TM9SF2: variants seen among roughly 807,000 people sequenced by gnomAD.
TM9SF2 encodes the protein 76 kDa membrane protein.
TM9SF2 carries 13 observed loss-of-function variants against 84.9 expected under a neutral mutation model. The observed-to-expected ratio is 0.15, with a 90% confidence interval of 0.10 to 0.24. TM9SF2 has a LOEUF of 0.24. Ranked by LOEUF, TM9SF2 falls within the 10% of genes least tolerant of loss-of-function variation. The pLI is 1.00. For missense variants in TM9SF2, 562 were observed against 818.5 expected, an observed-to-expected ratio of 0.69 and a Z score of 3.82; for synonymous variants, 273 against 285.8, an observed-to-expected ratio of 0.96 and a Z score of 0.45.
chr13:99,547,173 G>A (rs764580299), intron 11 of TM9SF2, 69 bp downstream of exon 11: 1 of 1,590,710 alleles, frequency 6.3e-7, no homozygotes, highest in Non-Finnish European at 8.6e-7. Flanking sequence ...GATCTGACCT[G>A]GGTATCAGAT....
At chr13:99,514,824 G>C (rs1283219503) in intron 1 of TM9SF2, among the ~76,000 whole-genome samples, 1 of 152,174 alleles carries the variant, frequency 6.6e-6, no homozygotes, top group African/African-American at 2.4e-5. Context: ...TTCCATCATT[G>C]CTTAAAACTC....
chr13:99,521,914 C>A (rs1252118107), intron 3 of TM9SF2, among the ~76,000 whole-genome samples: 1 of 152,114 alleles, frequency 6.6e-6, no homozygotes, highest in Non-Finnish European at 1.5e-5. Context: ...ACTCTGTTGC[C>A]CAGGCTTGTC....
intron 5 of TM9SF2, 60 bp downstream of exon 5, chr13:99,536,797 C>T: frequency 1.3e-6 from 2 of 1,583,132 alleles, no homozygotes; most frequent in Non-Finnish European, 1.7e-6. Context: ...AGAATTCAGT[C>T]TTTACCTGGA....
intron 9 of TM9SF2, among the ~76,000 whole-genome samples, chr13:99,543,034 C>T (rs756390156): frequency 6.6e-6 from 1 of 152,182 alleles, no homozygotes; most frequent in Non-Finnish European, 1.5e-5. Flanking sequence ...GCACCTGTGC[C>T]GGCTACCTTG....
intron 1 of TM9SF2, among the ~76,000 whole-genome samples, chr13:99,517,190 T>A (rs2046138492): frequency 6.6e-6 from 1 of 152,178 alleles, no homozygotes; most frequent in South Asian, 2.1e-4. Context: ...CATAGCTCAC[T>A]GTAACTTCAA....
At chr13:99,521,848 A>C (rs985526771) in intron 3 of TM9SF2, among the ~76,000 whole-genome samples, 8 of 152,052 alleles carry the variant, frequency 5.3e-5, no homozygotes, top group African/African-American at 1.9e-4. Flanking sequence ...CTAGGACTAC[A>C]GATGCATACC....
At chr13:99,554,879 G>A (rs565934991) in intron 14 of TM9SF2, among the ~76,000 whole-genome samples, 4 of 152,162 alleles carry the variant, frequency 2.6e-5, no homozygotes, top group Non-Finnish European at 4.4e-5. Flanking sequence ...AGCACTTGTC[G>A]GAGGGGATTG....
chr13:99,545,574 C>CT (rs200291592), intron 10 of TM9SF2, among the ~76,000 whole-genome samples: 14,165 of 147,256 alleles, frequency 0.096, 800 homozygotes, highest in East Asian at 0.22. Flanking sequence ...TTCTTTCTTT[C>CT]TTTTTTTTTT....
intron 15 of TM9SF2, 111 bp from the exon 16 acceptor site, chr13:99,559,252 G>A (rs539106082): frequency 2.4e-4 from 223 of 918,120 alleles, no homozygotes; most frequent in Non-Finnish European, 3.3e-4. Flanking sequence ...ACTGATAGCA[G>A]AAATTAGATT....
chr13:99,507,192 C>G (rs2046092308), intron 1 of TM9SF2, among the ~76,000 whole-genome samples: 2 of 152,154 alleles, frequency 1.3e-5, no homozygotes, highest in African/African-American at 4.8e-5. Context: ...AGTATTAAAG[C>G]CAGAATGCAA....
In TM9SF2 at chr13:99,517,695, C is replaced by T. The variant is rs759913841; in HGVS notation, c.239+14C>T. The T allele has an allele frequency of 4.5e-6, 7 of 1,553,274 alleles. No individual in the cohort carries two copies. The Admixed American group carries it at 1.5e-4, about 32-fold the overall frequency. On this transcript the variant is annotated intron_variant, in intron 2 of 16. Transcript: ENST00000376387. Reference sequence around the variant, plus strand: ...TGAATACACAGCGTAAGTTTTTCAGCTTGGCTTTTATATAAAATTTTATGT... The same window carrying T: ...TGAATACACAGCGTAAGTTTTTCAGTTTGGCTTTTATATAAAATTTTATGT...
At chr13:99,522,892 CTT>C (rs2046166679) in intron 3 of TM9SF2, among the ~76,000 whole-genome samples, 1 of 152,186 alleles carries the variant, frequency 6.6e-6, no homozygotes, top group African/African-American at 2.4e-5. Flanking sequence ...GGGCCTAGTG[CTT>C]TTCAGATTTA....
At chr13:99,529,950 A>C (rs557774328) in intron 4 of TM9SF2, among the ~76,000 whole-genome samples, 1 of 152,330 alleles carries the variant, frequency 6.6e-6, no homozygotes, top group South Asian at 2.1e-4. Context: ...TGAGTCACAT[A>C]AAGTTTTTCT....
At chr13:99,547,567 C>G (rs1017828122) in intron 11 of TM9SF2, among the ~76,000 whole-genome samples, 7 of 152,174 alleles carry the variant, frequency 4.6e-5, no homozygotes, top group African/African-American at 1.4e-4. Flanking sequence ...TACACTGTTT[C>G]AAGTAAACAA....
chr13:99,522,433 AG>A (rs1333605002), intron 3 of TM9SF2, among the ~76,000 whole-genome samples: 3 of 152,252 alleles, frequency 2.0e-5, no homozygotes, highest in Admixed American at 2.0e-4. Context: ...TTGAGGAGGA[AG>A]GAACTCAAAG....
Position 99,554,389 on chromosome 13 carries a change from T to C in TM9SF2, c.1574T>C (p.Ile525Thr). The change falls in exon 14 of 17, where the codon ATC (isoleucine) becomes ACC (threonine). Residue 525 changes from isoleucine to threonine, a missense_variant. This residue lies in a region of TM9SF2 where 219 missense variants were observed against 338.1 expected (regional missense o/e 0.65). Coordinates refer to ENST00000376387, the MANE Select transcript of TM9SF2 (RefSeq NM_004800.3). ...SFYTKPLPGI[I>T]MGGILPFGCI... ...TACACGAAGCCCTTGCCTGGTATTA[T>C]CATGGGAGGGATTTTGCCCTTTGGC... 2 of 1,614,228 alleles carry C rather than the reference T, an allele frequency of 1.2e-6. No individual in the cohort carries two copies. Among genetic ancestry groups the C allele is most frequent in the Non-Finnish European group, 1.7e-6 (2 of 1,180,028 alleles).
chr13:99,532,152 C>T (rs545176784), intron 4 of TM9SF2, among the ~76,000 whole-genome samples: 103 of 151,708 alleles, frequency 6.8e-4, no homozygotes, highest in Non-Finnish European at 1.3e-3. Context: ...CCCGGGTCCA[C>T]GCCATTCTCC....
intron 1 of TM9SF2, among the ~76,000 whole-genome samples, chr13:99,509,721 C>T (rs781521886): frequency 3.5e-4 from 53 of 152,304 alleles, no homozygotes; most frequent in Non-Finnish European, 6.3e-4. Context: ...GGGGCTGCTG[C>T]AAAGGTCTCT....
chr13:99,546,585 C>A (rs1055470166), intron 10 of TM9SF2, among the ~76,000 whole-genome samples: 3 of 151,348 alleles, frequency 2.0e-5, no homozygotes, highest in Non-Finnish European at 2.9e-5. Flanking sequence ...TTTTTTACCC[C>A]CAGAGGACCC....
Sources: gnomAD v4.1 joint callset for allele counts (sites outside exome capture counted in the v4.1 genomes callset) on GRCh38, gnomAD v4.1.1 for gene constraint, gnomAD v4.1.1 regional missense constraint, MANE v1.5 for transcripts, NCBI Gene and HGNC (gene_info 2026-07-23, HGNC 2026-07-21) for gene names.